Variants in SLC35D4 observed in about 807,000 individuals in gnomAD.
SLC35D4 encodes the protein UDP-N-acetylglucosamine transporter SLC35D4.
At chr18:23,361,657 G>A in the SLC35D4 span, among the ~76,000 whole-genome samples, 1 of 152,072 alleles carries the variant, frequency 6.6e-6, no homozygotes, top group African/African-American at 2.4e-5. Flanking sequence ...AATCCAACAG[G>A]CTCCACAATG....
the SLC35D4 span, among the ~76,000 whole-genome samples, chr18:23,256,822 G>A: frequency 2.6e-5 from 4 of 152,178 alleles, no homozygotes; most frequent in African/African-American, 9.7e-5. Flanking sequence ...GAATCACTTA[G>A]TTGCCACAGG....
chr18:23,239,191 G>A, the SLC35D4 span, among the ~76,000 whole-genome samples: 10 of 152,342 alleles, frequency 6.6e-5, no homozygotes, highest in East Asian at 1.9e-3. Context: ...CTTAGACTGT[G>A]CTAGAAGACT....
the SLC35D4 span, among the ~76,000 whole-genome samples, chr18:23,326,639 T>A: frequency 8.5e-5 from 13 of 152,114 alleles, no homozygotes; most frequent in Non-Finnish European, 1.5e-4. Flanking sequence ...ATTAAACAGA[T>A]CAACAAGACA....
the SLC35D4 span, among the ~76,000 whole-genome samples, chr18:23,275,083 CTTGTGTG>C: frequency 6.9e-6 from 1 of 144,854 alleles, no homozygotes; most frequent in African/African-American, 2.6e-5. Flanking sequence ...TGTGTGTGTG[CTTGTGTG>C]CGTGCTTGTG....
chr18:23,342,343 C>G, the SLC35D4 span, among the ~76,000 whole-genome samples: 3 of 152,084 alleles, frequency 2.0e-5, no homozygotes, highest in Admixed American at 2.0e-4. Flanking sequence ...TGACTGGATT[C>G]TTTAGCTTAG....
the SLC35D4 span, among the ~76,000 whole-genome samples, chr18:23,411,483 TAGAAAGAAAGAAAGAAAGAAAGAA>T: frequency 1.6e-3 from 147 of 91,810 alleles, no homozygotes; most frequent in Middle Eastern, 4.3e-3. Context: ...AAGAAAGAGA[TAGAAAGAAAGAAAGAAAGAAAGAA>T]AGAAAGAAAG....
chr18:23,331,686 A>T, the SLC35D4 span: 1 of 153,268 alleles, frequency 6.5e-6, no homozygotes, highest in African/African-American at 2.4e-5. Flanking sequence ...GGACAGAGAC[A>T]CCGGCCCTTC....
At chr18:23,373,719 T>G in the SLC35D4 span, 1 of 1,613,194 alleles carries the variant, frequency 6.2e-7, no homozygotes, top group Admixed American at 1.7e-5. Context: ...TACCTGGGAG[T>G]CATTGAAGGG....
chr18:23,315,126 CTT>C, the SLC35D4 span, among the ~76,000 whole-genome samples: 507 of 152,218 alleles, frequency 3.3e-3, 5 homozygotes, highest in African/African-American at 0.012. Context: ...GCATATGACT[CTT>C]AAGAAAAAAG....
the SLC35D4 span, among the ~76,000 whole-genome samples, chr18:23,384,786 A>G: frequency 1.2e-4 from 18 of 152,210 alleles, no homozygotes; most frequent in Admixed American, 2.6e-4. Context: ...AGTTCAGTTC[A>G]TATCAACAAT....
At chr18:23,368,164 G>A in the SLC35D4 span, among the ~76,000 whole-genome samples, 112 of 152,256 alleles carry the variant, frequency 7.4e-4, no homozygotes, top group African/African-American at 2.4e-3. Flanking sequence ...ATGTCAGAAT[G>A]TAGCAGCCCA....
At chr18:23,399,514 G>T in the SLC35D4 span, 1 of 1,551,124 alleles carries the variant, frequency 6.4e-7, no homozygotes, top group Non-Finnish European at 8.9e-7. Flanking sequence ...AAGTTAAAAG[G>T]CAAAGGGGAA....
At chr18:23,394,659 G>A in the SLC35D4 span, among the ~76,000 whole-genome samples, 1 of 151,968 alleles carries the variant, frequency 6.6e-6, no homozygotes, top group South Asian at 2.1e-4. Flanking sequence ...TTTTCCCCCA[G>A]GAGTTCAATG....
chr18:23,369,804 A>G, the SLC35D4 span, among the ~76,000 whole-genome samples: 1 of 152,328 alleles, frequency 6.6e-6, no homozygotes, highest in South Asian at 2.1e-4. Flanking sequence ...AGGCCTGTAG[A>G]GTCTCTGGCT....
At chr18:23,348,967 T>C in the SLC35D4 span, among the ~76,000 whole-genome samples, 3 of 152,384 alleles carry the variant, frequency 2.0e-5, no homozygotes, top group African/African-American at 4.8e-5. Flanking sequence ...GACAGGTTTT[T>C]CTTTCAGCAT....
At chr18:23,345,784 A>G in the SLC35D4 span, among the ~76,000 whole-genome samples, 2 of 151,776 alleles carry the variant, frequency 1.3e-5, no homozygotes, top group Non-Finnish European at 2.9e-5. Flanking sequence ...AAAAATTTCC[A>G]TCTTAACAAT....
the SLC35D4 span, among the ~76,000 whole-genome samples, chr18:23,250,519 CA>C: frequency 1.1e-4 from 16 of 152,144 alleles, no homozygotes; most frequent in Non-Finnish European, 1.2e-4. Context: ...CCAGAGGAGA[CA>C]TTTGTTGGAG....
At chr18:23,430,733 C>T in the SLC35D4 span, 2 of 1,465,416 alleles carry the variant, frequency 1.4e-6, no homozygotes, top group African/African-American at 2.8e-5. Flanking sequence ...ACTGACAAAC[C>T]ATATAATCAA....
At chr18:23,408,182 C>G in the SLC35D4 span, among the ~76,000 whole-genome samples, 3 of 149,760 alleles carry the variant, frequency 2.0e-5, no homozygotes, top group Non-Finnish European at 4.5e-5. Flanking sequence ...CACACACACC[C>G]CTAACCTCTT....
Sources: allele counts gnomAD v4.1 joint callset (sites outside exome capture counted in the v4.1 genomes callset), GRCh38; gene constraint gnomAD v4.1.1; transcripts MANE v1.5; gene names NCBI Gene and HGNC (gene_info 2026-07-23, HGNC 2026-07-21).